Variants in PPFIA2 observed in about 807,000 individuals in gnomAD.
PPFIA2 encodes PPFI scaffold protein A2, also known as liprin-alpha-2.
Under a neutral mutation model 175.5 loss-of-function variants are expected in PPFIA2, and 46 were observed. That is an observed-to-expected ratio of 0.26 (90% CI 0.21 to 0.34). PPFIA2 has a LOEUF of 0.34. Ranked by LOEUF, PPFIA2 falls within the 10% of genes least tolerant of loss-of-function variation. The pLI is 1.00. For synonymous variants in PPFIA2, 568 were observed against 511.4 expected, an observed-to-expected ratio of 1.11 and a Z score of -1.49; for missense variants, 1,179 against 1,506.1, an observed-to-expected ratio of 0.78 and a Z score of 3.60.
chr12:81,631,527 A>T (rs2063384212), intron 4 of PPFIA2, among the ~76,000 whole-genome samples: 1 of 152,206 alleles, frequency 6.6e-6, no homozygotes, highest in Non-Finnish European at 1.5e-5. Flanking sequence ...AAAATTATAA[A>T]TTCTTATATA....
chr12:81,335,469 A>G (rs1429465541), intron 21 of PPFIA2, among the ~76,000 whole-genome samples: 1 of 152,134 alleles, frequency 6.6e-6, no homozygotes, highest in Non-Finnish European at 1.5e-5. Flanking sequence ...ATGGCCAGGC[A>G]CAGTGGCTCA....
intron 7 of PPFIA2, chr12:81,431,330 T>G (rs995529759): frequency 6.6e-6 from 1 of 152,040 alleles, no homozygotes. Flanking sequence ...TTATTGTGCT[T>G]TTTTTTGGCT....
Position 81,356,859 on chromosome 12 carries a change from C to T in PPFIA2, c.1773+1223G>A, listed in dbSNP as rs576922646. 8.6e-4 allele frequency among the ~76,000 whole-genome samples: 131 copies of T among 152,166 alleles called. 1 individual carries two copies. Among genetic ancestry groups the T allele is most frequent in the Middle Eastern group, 3.4e-3 (1 of 292 alleles). Reference sequence around the variant, plus strand: ...TACAATAAAGCAAAGCACAGTAAAACAAGGTATACCTGTAATTTTTAAGCC... The same window carrying T: ...TACAATAAAGCAAAGCACAGTAAAATAAGGTATACCTGTAATTTTTAAGCC... On this transcript the variant is annotated intron_variant, in intron 16 of 32. Transcript: ENST00000549396.
At chr12:81,324,177 G>A (rs1270241467) in intron 22 of PPFIA2, among the ~76,000 whole-genome samples, 4 of 151,928 alleles carry the variant, frequency 2.6e-5, no homozygotes, top group African/African-American at 9.7e-5. Context: ...GACTGTGAGG[G>A]TACTTAGTAG....
intron 7 of PPFIA2, chr12:81,430,524 A>ACTCTCTCTCTCT (rs10570346): frequency 4.7e-5 from 6 of 127,582 alleles, no homozygotes; most frequent in African/African-American, 1.4e-4. Context: ...TATGCTTAAA[A>ACTCTCTCTCTCT]CTCTCTCTCT....
At chr12:81,639,341 C>T (rs994237014) in intron 4 of PPFIA2, among the ~76,000 whole-genome samples, 1 of 151,964 alleles carries the variant, frequency 6.6e-6, no homozygotes, top group African/African-American at 2.4e-5. Context: ...CAACATTTAG[C>T]ACATCTCTGA....
chr12:81,466,092 C>T (rs1185328709), intron 4 of PPFIA2, among the ~76,000 whole-genome samples: 1 of 152,056 alleles, frequency 6.6e-6, no homozygotes, highest in South Asian at 2.1e-4. Context: ...AAGGTAGAAT[C>T]GCCTGCATAA....
intron 3 of PPFIA2, among the ~76,000 whole-genome samples, chr12:81,679,064 A>G (rs142217918): frequency 1.6e-4 from 24 of 152,044 alleles, no homozygotes; most frequent in African/African-American, 4.3e-4. Flanking sequence ...TTGACAAGGA[A>G]TATTAATATC....
At chr12:81,659,821 A>T (rs771566539) in intron 4 of PPFIA2, among the ~76,000 whole-genome samples, 1 of 152,176 alleles carries the variant, frequency 6.6e-6, no homozygotes, top group Non-Finnish European at 1.5e-5. Flanking sequence ...GGGCAGACTG[A>T]CACCTCACAC....
At chr12:81,294,791 AT>A in intron 24 of PPFIA2, 43 bp downstream of exon 24, 1 of 1,580,910 alleles carries the variant, frequency 6.3e-7, no homozygotes, top group Non-Finnish European at 8.6e-7. Context: ...ACACACGGCT[AT>A]TTGCCTAGCA....
intron 8 of PPFIA2, among the ~76,000 whole-genome samples, chr12:81,389,823 C>T (rs1418402330): frequency 6.6e-6 from 1 of 152,042 alleles, no homozygotes; most frequent in Non-Finnish European, 1.5e-5. Context: ...CCATAAAACG[C>T]ACCCTTTAAA....
In PPFIA2 at chr12:81,261,963, G is replaced by T; in HGVS notation, c.*19C>A. On this transcript the variant is annotated 3_prime_UTR_variant, in exon 32 of 33. Coordinates refer to ENST00000549396, the MANE Select transcript of PPFIA2 (RefSeq NM_003625.5). The stretch of plus-strand genomic sequence containing the variant: ...AAACTACTCACAGCAGGTCAGTGCT[G>T]CCTCCTTTGAGTGGCTGGTCAACAT... 1 of 1,595,606 alleles carries T rather than the reference G, an allele frequency of 6.3e-7. No homozygotes were observed.
chr12:81,558,568 T>C (rs959518092), intron 4 of PPFIA2, among the ~76,000 whole-genome samples: 1 of 152,128 alleles, frequency 6.6e-6, no homozygotes, highest in Non-Finnish European at 1.5e-5. Context: ...AGACAGCCCA[T>C]CCCAGTGTGA....
intron 27 of PPFIA2, chr12:81,279,369 C>A (rs1021555836): frequency 6.6e-6 from 1 of 152,030 alleles, no homozygotes; most frequent in African/African-American, 2.4e-5. Context: ...GCATCCCTAG[C>A]AAACTAATTC....
At chr12:81,290,319 A>G (rs2044582704) in intron 24 of PPFIA2, among the ~76,000 whole-genome samples, 1 of 151,706 alleles carries the variant, frequency 6.6e-6, no homozygotes, top group South Asian at 2.1e-4. Flanking sequence ...ATGTTAGGTT[A>G]TGACTTTATG....
At chr12:81,408,985 T>A (rs2043416568) in intron 7 of PPFIA2, among the ~76,000 whole-genome samples, 1 of 152,190 alleles carries the variant, frequency 6.6e-6, no homozygotes, top group Non-Finnish European at 1.5e-5. Flanking sequence ...GTAGTTCTCT[T>A]TTAAAAATTC....
intron 3 of PPFIA2, among the ~76,000 whole-genome samples, chr12:81,723,461 C>T (rs974553086): frequency 1.3e-5 from 2 of 150,866 alleles, no homozygotes; most frequent in Non-Finnish European, 3.0e-5. Flanking sequence ...AAACAATGAC[C>T]AAATATGTAA....
chr12:81,699,449 A>G (rs1267898843), intron 3 of PPFIA2, among the ~76,000 whole-genome samples: 5 of 151,824 alleles, frequency 3.3e-5, no homozygotes, highest in Non-Finnish European at 7.4e-5. Flanking sequence ...ATTTTATGTA[A>G]CCAAAATTAT....
intron 4 of PPFIA2, among the ~76,000 whole-genome samples, chr12:81,662,470 C>G (rs576103897): frequency 2.6e-5 from 4 of 151,996 alleles, no homozygotes; most frequent in Non-Finnish European, 5.9e-5. Flanking sequence ...ATAAATTCCT[C>G]GACACATACA....
Sources: allele counts gnomAD v4.1 joint callset (sites outside exome capture counted in the v4.1 genomes callset), GRCh38; gene constraint gnomAD v4.1.1; transcripts MANE v1.5; gene names NCBI Gene and HGNC (gene_info 2026-07-23, HGNC 2026-07-21).